Variants in BEND6 observed in about 807,000 individuals in gnomAD.
The protein encoded by BEND6 is BEN domain containing 6.
In BEND6, 24 loss-of-function variants were observed where a neutral mutation model predicts 31.8. The observed-to-expected ratio is 0.75, with a 90% CI of 0.55 to 1.06. The LOEUF (loss-of-function observed/expected upper bound fraction) is 1.06. BEND6 is among the 50% of genes least tolerant of loss of function. The pLI, the probability that BEND6 is intolerant of heterozygous loss-of-function variation, is 0.00. For missense variants in BEND6, 294 were observed against 327.4 expected (o/e 0.90, Z 0.79); for synonymous variants, 109 against 114.6 (o/e 0.95, Z 0.31).
intron 1 of BEND6, among the ~76,000 whole-genome samples, chr6:56,966,710 A>G (rs182662243): frequency 3.3e-5 from 5 of 152,242 alleles, no homozygotes; most frequent in Admixed American, 2.0e-4. Flanking sequence ...ACACATCAAC[A>G]TGAAAGTAAG....
At chr6:56,962,146 A>G (rs1350385717) in intron 1 of BEND6, among the ~76,000 whole-genome samples, 2 of 151,988 alleles carry the variant, frequency 1.3e-5, no homozygotes, top group Non-Finnish European at 2.9e-5. Flanking sequence ...TTCATCTTCC[A>G]CCATGTGATG....
At chr6:56,986,757 G>A (rs1826289892) in intron 2 of BEND6, among the ~76,000 whole-genome samples, 3 of 152,078 alleles carry the variant, frequency 2.0e-5, no homozygotes, top group African/African-American at 4.8e-5. Context: ...AGCCTCTGGG[G>A]AAAGATATCT....
rs538668984 is a variant in BEND6 at position 56,982,121 on chromosome 6, G to T, written c.120+191G>T. On this transcript the variant is annotated intron_variant, in intron 2 of 6. Coordinates refer to ENST00000370746, the MANE Select transcript of BEND6 (RefSeq NM_152731.3). ...TGTTTTGTAGAGACAGGGTCTCCCT[G>T]TGTTGCCCAGGCTGGTCTCAAATTC... is the stretch of plus-strand genomic sequence containing the variant. 6.6e-5 allele frequency among the ~76,000 whole-genome samples: 10 copies of T among 152,128 alleles called. 1 individual carries two copies. The South Asian group carries it at 2.1e-3, about 32-fold the overall frequency.
intron 1 of BEND6, among the ~76,000 whole-genome samples, chr6:56,971,892 A>G (rs1825700886): frequency 6.6e-6 from 1 of 152,012 alleles, no homozygotes; most frequent in Non-Finnish European, 1.5e-5. Flanking sequence ...ATATTTTCTC[A>G]CATTCTATGG....
intron 2 of BEND6, among the ~76,000 whole-genome samples, chr6:56,990,067 G>A (rs565619888): frequency 2.6e-5 from 4 of 151,974 alleles, no homozygotes; most frequent in South Asian, 2.1e-4. Context: ...TTGTGTATGT[G>A]CATGTGTGTA....
chr6:57,002,906 G>T (rs78635468), intron 3 of BEND6, among the ~76,000 whole-genome samples: 269 of 152,118 alleles, frequency 1.8e-3, no homozygotes, highest in African/African-American at 6.3e-3. Context: ...AAGAATCAAT[G>T]AAACTAAAAG....
At chr6:56,987,045 T>C (rs1020614829) in intron 2 of BEND6, among the ~76,000 whole-genome samples, 2 of 151,030 alleles carry the variant, frequency 1.3e-5, no homozygotes, top group African/African-American at 4.9e-5. Flanking sequence ...GCACAATCTC[T>C]GCTCACTTCA....
chr6:56,989,372 C>A (rs1826408386), intron 2 of BEND6, among the ~76,000 whole-genome samples: 1 of 152,154 alleles, frequency 6.6e-6, no homozygotes, highest in South Asian at 2.1e-4. Context: ...ATTGTCCTAT[C>A]AATGGGAATT....
chr6:56,992,361 C>T lies in BEND6; in HGVS notation c.121-17C>T. 6.3e-7 allele frequency: 1 copy of T among 1,581,636 alleles called. No individual in the cohort carries two copies. On this transcript the variant is annotated splice_polypyrimidine_tract_variant and intron_variant, in intron 2 of 6. Transcript: ENST00000370746. ...ATGCTATGAGGCTTCTTTTATTGTGCCTGCCTTCTATTTTAGAGAGACCCA... is the reference window on the plus strand; with the variant it reads ...ATGCTATGAGGCTTCTTTTATTGTGTCTGCCTTCTATTTTAGAGAGACCCA...
intron 3 of BEND6, among the ~76,000 whole-genome samples, chr6:56,994,082 AT>A (rs1453495208): frequency 6.6e-6 from 1 of 152,180 alleles, no homozygotes; most frequent in Non-Finnish European, 1.5e-5. Flanking sequence ...AGAATACATA[AT>A]ACCCATTTTT....
chr6:56,956,327 TTTTA>T (rs1478620152), intron 1 of BEND6, among the ~76,000 whole-genome samples: 1 of 152,210 alleles, frequency 6.6e-6, no homozygotes, highest in Non-Finnish European at 1.5e-5. Context: ...GGAATAAAAG[TTTTA>T]TTTGCTTGTA....
At chr6:57,012,371 T>C (rs1827377300) in intron 3 of BEND6, among the ~76,000 whole-genome samples, 1 of 152,228 alleles carries the variant, frequency 6.6e-6, no homozygotes, top group Admixed American at 6.5e-5. Context: ...AAAATTTATC[T>C]ACAGCTAAAG....
chr6:56,985,883 A>G (rs1428290040), intron 2 of BEND6, among the ~76,000 whole-genome samples: 2 of 152,154 alleles, frequency 1.3e-5, no homozygotes, highest in African/African-American at 4.8e-5. Context: ...ATGGTTTGAG[A>G]TATTACAAAT....
At position 56,955,158 on chromosome 6, in the gene BEND6, G is replaced by C. The variant is rs1412935626; in HGVS notation, c.-403G>C. The C allele has an allele frequency of 6.6e-6, 1 of 150,690 alleles. No individual in the cohort carries two copies. Among genetic ancestry groups the C allele is most frequent in the African/African-American group, 2.4e-5 (1 of 41,302 alleles). 9.3% of individuals were successfully genotyped at this position (150,690 alleles called of 1,614,324 possible). ...CGGGCGCGCGGACATGGCTGCGGCGGTTTCGGCGGCGTCCGCGGGCTGCAC... is the reference window on the plus strand; with the variant it reads ...CGGGCGCGCGGACATGGCTGCGGCGCTTTCGGCGGCGTCCGCGGGCTGCAC... On this transcript the variant is annotated 5_prime_UTR_variant, in exon 1 of 7. Transcript: ENST00000370746.
intron 2 of BEND6, among the ~76,000 whole-genome samples, chr6:56,990,329 C>T (rs1452117581): frequency 6.8e-6 from 1 of 147,238 alleles, no homozygotes; most frequent in Non-Finnish European, 1.5e-5. Context: ...TCACCACAGC[C>T]TCAACCTACC....
chr6:56,959,183 CT>C (rs1389167913), intron 1 of BEND6, among the ~76,000 whole-genome samples: 1 of 152,180 alleles, frequency 6.6e-6, no homozygotes, highest in African/African-American at 2.4e-5. Flanking sequence ...CTAGCTCTTT[CT>C]GGTCTCAGGT....
intron 6 of BEND6, among the ~76,000 whole-genome samples, chr6:57,019,300 C>T (rs1327305228): frequency 1.3e-5 from 2 of 152,060 alleles, no homozygotes; most frequent in Non-Finnish European, 2.9e-5. Flanking sequence ...TTTTACTTAC[C>T]CCTCCTCTCT....
chr6:56,996,362 G>C (rs924495598), intron 3 of BEND6, among the ~76,000 whole-genome samples: 6 of 152,054 alleles, frequency 3.9e-5, no homozygotes, highest in South Asian at 2.1e-4. Context: ...CACGAGAATT[G>C]CTTGAACCCA....
chr6:56,995,638 A>G (rs544456912), intron 3 of BEND6, among the ~76,000 whole-genome samples: 1 of 152,142 alleles, frequency 6.6e-6, no homozygotes, highest in South Asian at 2.1e-4. Context: ...CATAACCCCA[A>G]TCTTCACAGG....
Sources: allele counts gnomAD v4.1 joint callset (sites outside exome capture counted in the v4.1 genomes callset), GRCh38; gene constraint gnomAD v4.1.1; transcripts MANE v1.5; gene names NCBI Gene and HGNC (gene_info 2026-07-23, HGNC 2026-07-21).